The following ZNF609 variants were observed in gnomAD, a reference collection of about 807,000 sequenced individuals.
ZNF609 encodes zinc finger protein 609.
Under a neutral mutation model 109.5 loss-of-function variants are expected in ZNF609, and 11 were observed. The ratio of observed to expected loss-of-function variants is 0.10; its 90% CI spans 0.06 to 0.17. ZNF609 has a LOEUF of 0.17. Ranked by LOEUF, ZNF609 falls within the 10% of genes least tolerant of loss-of-function variation. The pLI is 1.00. For missense variants in ZNF609, 1,559 were observed against 1,772.4 expected, an observed-to-expected ratio of 0.88 and a Z score of 2.16; for synonymous variants, 646 against 662.0, an observed-to-expected ratio of 0.98 and a Z score of 0.37.
chr15:64,639,201 G>A (rs1459168265), intron 3 of ZNF609, among the ~76,000 whole-genome samples: 1 of 152,186 alleles, frequency 6.6e-6, no homozygotes, highest in African/African-American at 2.4e-5. Context: ...CACCAACCCT[G>A]TTTGAGAACC....
intron 1 of ZNF609, among the ~76,000 whole-genome samples, chr15:64,492,302 C>T (rs1195192655): frequency 2.0e-5 from 3 of 151,976 alleles, no homozygotes; most frequent in African/African-American, 7.3e-5. Context: ...AAAGGAAAAC[C>T]CTAATCACTG....
chr15:64,490,990 A>G (rs1893404862), intron 1 of ZNF609, among the ~76,000 whole-genome samples: 1 of 152,258 alleles, frequency 6.6e-6, no homozygotes, highest in Non-Finnish European at 1.5e-5. Flanking sequence ...CTTAGGTGAC[A>G]CATGGTCAGA....
chr15:64,515,850 A>G (rs1838060257), intron 2 of ZNF609, among the ~76,000 whole-genome samples: 1 of 151,772 alleles, frequency 6.6e-6, no homozygotes, highest in Non-Finnish European at 1.5e-5. Context: ...AGGCAGGATA[A>G]TTGCTCGAAC....
chr15:64,534,607 G>A (rs936923486), intron 2 of ZNF609, among the ~76,000 whole-genome samples: 2 of 151,666 alleles, frequency 1.3e-5, no homozygotes, highest in Non-Finnish European at 2.9e-5. Flanking sequence ...GAGCCACCGC[G>A]CCTGGCCGTG....
intron 2 of ZNF609, among the ~76,000 whole-genome samples, chr15:64,599,168 G>GGTTTTTTT (rs1895451869): frequency 2.2e-5 from 1 of 46,494 alleles, no homozygotes; most frequent in African/African-American, 7.7e-5. Context: ...TTTTGTGGTG[G>GGTTTTTTT]TTTTTTTTTT....
At chr15:64,605,213 C>T (rs1895575065) in intron 2 of ZNF609, among the ~76,000 whole-genome samples, 1 of 152,158 alleles carries the variant, frequency 6.6e-6, no homozygotes, top group Non-Finnish European at 1.5e-5. Flanking sequence ...ATTAGTCCTT[C>T]TAGCTTAAGG....
intron 3 of ZNF609, among the ~76,000 whole-genome samples, chr15:64,639,577 G>A (rs1896224757): frequency 6.6e-6 from 1 of 152,074 alleles, no homozygotes; most frequent in African/African-American, 2.4e-5. Context: ...CATTTTATAA[G>A]GACACCAGTC....
chr15:64,614,532 C>A (rs978991254), intron 2 of ZNF609, among the ~76,000 whole-genome samples: 2 of 151,988 alleles, frequency 1.3e-5, no homozygotes, highest in Non-Finnish European at 2.9e-5. Flanking sequence ...CGCGCCTGGC[C>A]TTTTCTGTAT....
At chr15:64,655,843 AAAG>A (rs1250718570) in intron 3 of ZNF609, among the ~76,000 whole-genome samples, 1 of 152,184 alleles carries the variant, frequency 6.6e-6, no homozygotes, top group African/African-American at 2.4e-5. Flanking sequence ...AAGTAAATAA[AAAG>A]AACATATACA....
intron 2 of ZNF609, among the ~76,000 whole-genome samples, chr15:64,577,012 G>T (rs9745114): frequency 2.1e-5 from 2 of 96,284 alleles, no homozygotes; most frequent in Non-Finnish European, 4.1e-5. Context: ...ATATATGTAT[G>T]TATACACATA....
chr15:64,549,421 C>A (rs1894426316), intron 2 of ZNF609, among the ~76,000 whole-genome samples: 1 of 152,130 alleles, frequency 6.6e-6, no homozygotes, highest in Non-Finnish European at 1.5e-5. Flanking sequence ...GCTGATCCAC[C>A]CACCAAGGCC....
Position 64,499,807 on chromosome 15 carries a change from A to C in ZNF609, c.388A>C (p.Asn130His), listed in dbSNP as rs746624169. ...EVQGRSGDGA[N>H]AGGLVAAIAP... ...GCAGGGGCGCTCAGGAGATGGTGCCAATGCTGGAGGCCTGGTTGCTGCTAT... is the reference window on the plus strand; with the variant it reads ...GCAGGGGCGCTCAGGAGATGGTGCCCATGCTGGAGGCCTGGTTGCTGCTAT... The change falls in exon 2 of 10, where the codon AAT becomes CAT. Residue 130 changes from asparagine (N) to histidine (H), a missense_variant. By Grantham distance (68) the Asn-to-His change is moderately conservative (BLOSUM62 1). This residue lies in a region of ZNF609 where 291 missense variants were observed against 317.8 expected (regional missense o/e 0.92). Transcript: ENST00000326648. 4 of 1,614,142 alleles carry C rather than the reference A, an allele frequency of 2.5e-6. No homozygotes were observed. In the South Asian group the frequency reaches 4.4e-5, roughly 18 times the overall value.
At chr15:64,519,121 G>A (rs1460041943) in intron 2 of ZNF609, among the ~76,000 whole-genome samples, 1 of 142,596 alleles carries the variant, frequency 7.0e-6, no homozygotes, top group African/African-American at 2.6e-5. Flanking sequence ...GTGCAGGGCG[G>A]GGGGCGGGGG....
intron 3 of ZNF609, among the ~76,000 whole-genome samples, chr15:64,634,941 G>T (rs1035340321): frequency 6.6e-6 from 1 of 152,176 alleles, no homozygotes; most frequent in Non-Finnish European, 1.5e-5. Context: ...ACTCCCAGAG[G>T]ATACTTTAGG....
chr15:64,533,600 C>T (rs1226353616), intron 2 of ZNF609, among the ~76,000 whole-genome samples: 1 of 152,192 alleles, frequency 6.6e-6, no homozygotes, highest in Non-Finnish European at 1.5e-5. Context: ...AGTTCATCCC[C>T]CTCCTTGTGG....
rs1896863945 is a variant in ZNF609 at position 64,680,267 on chromosome 15, C to A, written c.3852C>A (p.Ala1284=). 1.2e-6 allele frequency: 2 copies of A among 1,614,242 alleles called. No individual in the cohort carries two copies. Among genetic ancestry groups the A allele is most frequent in the Non-Finnish European group, 1.7e-6 (2 of 1,180,042 alleles). Residue 1284 remains alanine, a synonymous_variant, in exon 7 of 10, where the codon GCC becomes GCA. Coordinates refer to ENST00000326648, the MANE Select transcript of ZNF609 (RefSeq NM_015042.2). The part of the protein sequence containing the change: ...SGGEDADKAR[A]SPSVTCKSSS... ...GTGAAGATGCTGACAAGGCACGAGC[C>A]AGCCCCAGTGTGACTTGTAAATCCA...
At position 64,586,277 on chromosome 15, in the gene ZNF609, G is replaced by T. The variant is rs966996538; in HGVS notation, c.748-36550G>T. ...GGAGGCAGAGGTTGCGGTGAGCCGAGATCGCGCCATTGCACTCTAGCCTGG... is the reference window on the plus strand; with the variant it reads ...GGAGGCAGAGGTTGCGGTGAGCCGATATCGCGCCATTGCACTCTAGCCTGG... On this transcript the variant is annotated intron_variant, in intron 2 of 9. Coordinates refer to ENST00000326648, the MANE Select transcript of ZNF609 (RefSeq NM_015042.2). 2.7e-5 allele frequency among the ~76,000 whole-genome samples: 4 copies of T among 150,722 alleles called. No homozygotes were observed. In the South Asian group the frequency reaches 8.3e-4, roughly 31 times the overall value.
At chr15:64,481,096 G>A (rs544122339) in intron 1 of ZNF609, among the ~76,000 whole-genome samples, 94 of 152,288 alleles carry the variant, frequency 6.2e-4, no homozygotes, top group South Asian at 2.1e-3. Context: ...TCTGTCATGC[G>A]AGGATTCATT....
intron 2 of ZNF609, among the ~76,000 whole-genome samples, chr15:64,613,646 G>A (rs1374093506): frequency 6.6e-6 from 1 of 152,076 alleles, no homozygotes; most frequent in Non-Finnish European, 1.5e-5. Flanking sequence ...CGCCTGCCGG[G>A]TTCAAGGGAT....
Sources: gnomAD v4.1 joint callset for allele counts (sites outside exome capture counted in the v4.1 genomes callset) on GRCh38, gnomAD v4.1.1 for gene constraint, gnomAD v4.1.1 regional missense constraint, MANE v1.5 for transcripts, NCBI Gene and HGNC (gene_info 2026-07-23, HGNC 2026-07-21) for gene names.